Variants in SGCZ observed in about 807,000 individuals in gnomAD.
SGCZ encodes sarcoglycan zeta, also known as zeta-sarcoglycan.
Under a neutral mutation model 41.3 loss-of-function variants are expected in SGCZ, and 40 were observed. The ratio of observed to expected loss-of-function variants is 0.97; its 90% CI spans 0.75 to 1.26. The LOEUF (loss-of-function observed/expected upper bound fraction) is 1.26. SGCZ is among the 50% of genes most tolerant of loss of function. The probability of loss-of-function intolerance (pLI) is 0.00; values close to 1 mark genes in which losing one functional copy is unlikely to be tolerated. For missense variants in SGCZ, 552 were observed against 369.8 expected (o/e 1.49, Z -4.04); for synonymous variants, 206 against 137.5 (o/e 1.50, Z -3.49).
At chr8:14,773,124 C>G (rs370542685) in intron 1 of SGCZ, among the ~76,000 whole-genome samples, 4 of 152,278 alleles carry the variant, frequency 2.6e-5, no homozygotes, top group East Asian at 3.9e-4. Context: ...ACCATTCTAA[C>G]TGGTGTGAGA....
intron 5 of SGCZ, among the ~76,000 whole-genome samples, chr8:14,136,429 A>C (rs567234738): frequency 6.6e-6 from 1 of 152,260 alleles, no homozygotes; most frequent in South Asian, 2.1e-4. Flanking sequence ...TACCTTGAAA[A>C]TTGGGACACT....
At chr8:14,550,260 T>C (rs1824597) in intron 2 of SGCZ, among the ~76,000 whole-genome samples, 32,634 of 151,408 alleles carry the variant, frequency 0.22, 3,664 homozygotes, top group South Asian at 0.38. Context: ...TATTTTGTGC[T>C]AAAAACAATA....
Position 14,757,973 on chromosome 8 carries a change from G to T in SGCZ, c.40-203047C>A, listed in dbSNP as rs756753721. Reference sequence around the variant, plus strand: ...AACTCTATGAGATATGTATAAGCATGTTATGCATATATGTATATACCCATG... The same window carrying T: ...AACTCTATGAGATATGTATAAGCATTTTATGCATATATGTATATACCCATG... On this transcript the variant is annotated intron_variant, in intron 1 of 7. Transcript: ENST00000382080. Among the ~76,000 whole-genome samples, 161 of 152,132 alleles carry T rather than the reference G, an allele frequency of 1.1e-3. 1 individual carries two copies. Among genetic ancestry groups the T allele is most frequent in the Non-Finnish European group, 2.0e-3 (138 of 68,014 alleles).
At chr8:14,180,582 G>A (rs1486356150) in intron 4 of SGCZ, among the ~76,000 whole-genome samples, 1 of 151,956 alleles carries the variant, frequency 6.6e-6, no homozygotes, top group African/African-American at 2.4e-5. Context: ...GTTAAAAACC[G>A]AATTGCCAGT....
chr8:14,199,715 C>G (rs759178012), intron 4 of SGCZ, among the ~76,000 whole-genome samples: 33 of 151,966 alleles, frequency 2.2e-4, no homozygotes, highest in Admixed American at 1.3e-4. Flanking sequence ...AGAAAAGAAC[C>G]TACGTGAAAT....
At chr8:15,034,168 T>G (rs1355550248) in intron 1 of SGCZ, among the ~76,000 whole-genome samples, 2 of 152,034 alleles carry the variant, frequency 1.3e-5, no homozygotes, top group African/African-American at 4.8e-5. Flanking sequence ...GAATAATTGT[T>G]TTAAGGAAGA....
chr8:14,232,435 T>C (rs915295783), intron 4 of SGCZ, among the ~76,000 whole-genome samples: 3 of 151,958 alleles, frequency 2.0e-5, no homozygotes, highest in Non-Finnish European at 4.4e-5. Flanking sequence ...AAATATCACT[T>C]TGTTTAATTG....
intron 1 of SGCZ, among the ~76,000 whole-genome samples, chr8:14,741,607 T>C (rs1363011746): frequency 6.6e-6 from 1 of 152,010 alleles, no homozygotes; most frequent in Non-Finnish European, 1.5e-5. Context: ...ATCTGAAAAA[T>C]CATAACTGAA....
At chr8:14,807,872 C>T (rs1024862701) in intron 1 of SGCZ, among the ~76,000 whole-genome samples, 1 of 152,060 alleles carries the variant, frequency 6.6e-6, no homozygotes, top group Non-Finnish European at 1.5e-5. Flanking sequence ...GATACTGGTA[C>T]CAAAACAGAG....
intron 2 of SGCZ, among the ~76,000 whole-genome samples, chr8:14,500,660 T>C (rs1319820057): frequency 6.6e-5 from 10 of 152,050 alleles, no homozygotes; most frequent in Admixed American, 1.3e-4. Flanking sequence ...ACCTGTATTA[T>C]TGACAGTTCT....
chr8:14,291,901 C>T (rs1050610371), intron 3 of SGCZ, among the ~76,000 whole-genome samples: 5 of 151,924 alleles, frequency 3.3e-5, no homozygotes, highest in Admixed American at 6.6e-5. Flanking sequence ...CTCTATGATT[C>T]GCATTCTGAG....
intron 1 of SGCZ, among the ~76,000 whole-genome samples, chr8:15,227,084 G>A (rs947357993): frequency 1.3e-5 from 2 of 152,184 alleles, no homozygotes; most frequent in Non-Finnish European, 2.9e-5. Context: ...GCTGGAAATA[G>A]GAGAGGTGTG....
At chr8:15,134,823 AAT>A (rs747752819) in intron 1 of SGCZ, among the ~76,000 whole-genome samples, 10 of 152,332 alleles carry the variant, frequency 6.6e-5, no homozygotes, top group Non-Finnish European at 1.3e-4. Flanking sequence ...CAGAACTTTT[AAT>A]ATATGAGTAT....
intron 1 of SGCZ, among the ~76,000 whole-genome samples, chr8:15,001,665 C>T (rs1563426019): frequency 1.4e-5 from 2 of 138,262 alleles, no homozygotes; most frequent in Non-Finnish European, 1.5e-5. Flanking sequence ...GGAGGCGGAG[C>T]TTGGAGTGAG....
At chr8:14,170,674 A>G (rs932545407) in intron 4 of SGCZ, among the ~76,000 whole-genome samples, 1 of 152,172 alleles carries the variant, frequency 6.6e-6, no homozygotes. Context: ...ATTGTATACA[A>G]ACATAAAATG....
rs536685974 is a variant in SGCZ at position 15,087,447 on chromosome 8, C to A, written c.39+150138G>T. Reference sequence around the variant, plus strand: ...TATGGCAGACTAACAACATCTCGAACGCTGATTTCATTCCCCACGTTGGTT... The same window carrying A: ...TATGGCAGACTAACAACATCTCGAAAGCTGATTTCATTCCCCACGTTGGTT... On this transcript the variant is annotated intron_variant, in intron 1 of 7. Transcript: ENST00000382080. Among the ~76,000 whole-genome samples the A allele has an allele frequency of 9.9e-5, 15 of 152,120 alleles. No homozygotes were observed. The East Asian group carries it at 2.9e-3, about 29-fold the overall frequency.
At chr8:14,994,049 G>A (rs374606722) in intron 1 of SGCZ, among the ~76,000 whole-genome samples, 56 of 152,262 alleles carry the variant, frequency 3.7e-4, no homozygotes, top group African/African-American at 1.2e-3. Context: ...TGGCTGTGGA[G>A]GTAATGAGAA....
intron 2 of SGCZ, among the ~76,000 whole-genome samples, chr8:14,357,521 A>G (rs1435847575): frequency 1.3e-5 from 2 of 152,192 alleles, no homozygotes; most frequent in Non-Finnish European, 2.9e-5. Flanking sequence ...TGTACCTTTG[A>G]ATTGAATGAA....
At chr8:14,588,268 A>G (rs1166941458) in intron 1 of SGCZ, among the ~76,000 whole-genome samples, 4 of 151,912 alleles carry the variant, frequency 2.6e-5, no homozygotes, top group African/African-American at 9.7e-5. Flanking sequence ...GTGGATTTGC[A>G]TAAAATCAAG....
Sources: allele counts gnomAD v4.1 joint callset (sites outside exome capture counted in the v4.1 genomes callset), GRCh38; gene constraint gnomAD v4.1.1; transcripts MANE v1.5; gene names NCBI Gene and HGNC (gene_info 2026-07-23, HGNC 2026-07-21).